UNC13C: variants seen among roughly 807,000 people sequenced by gnomAD.
The protein encoded by UNC13C is protein unc-13 homolog C.
UNC13C carries 174 observed loss-of-function variants against 245.4 expected under a neutral mutation model. The ratio of observed to expected loss-of-function variants is 0.71; its 90% CI spans 0.63 to 0.80. The LOEUF (loss-of-function observed/expected upper bound fraction) is 0.80, where lower values mean the gene tolerates loss of function less well. Among genes scored for constraint, UNC13C ranks in the 30% least tolerant of loss-of-function variants. The probability of loss-of-function intolerance (pLI) is 0.00; values close to 1 mark genes in which losing one functional copy is unlikely to be tolerated. For synonymous variants in UNC13C, 992 were observed against 895.1 expected (o/e 1.11, Z -1.93); for missense variants, 2,829 against 2,602.9 (o/e 1.09, Z -1.89).
intron 23 of UNC13C, among the ~76,000 whole-genome samples, chr15:54,510,066 A>G (rs543487603): frequency 6.6e-6 from 1 of 152,268 alleles, no homozygotes; most frequent in Non-Finnish European, 1.5e-5. Context: ...TTATAAAGCT[A>G]GTACTAGGGT....
At chr15:54,188,734 A>C (rs1043000953) in intron 4 of UNC13C, among the ~76,000 whole-genome samples, 1 of 152,146 alleles carries the variant, frequency 6.6e-6, no homozygotes, top group Non-Finnish European at 1.5e-5. Flanking sequence ...GATCTCACTG[A>C]TCCTCACAGC....
At chr15:54,231,434 C>G (rs1034626476) in intron 4 of UNC13C, among the ~76,000 whole-genome samples, 3 of 151,912 alleles carry the variant, frequency 2.0e-5, no homozygotes, top group East Asian at 1.9e-4. Flanking sequence ...AAACTGTGGG[C>G]TCAAACCTTG....
intron 2 of UNC13C, among the ~76,000 whole-genome samples, chr15:54,047,922 T>C (rs545185176): frequency 2.6e-5 from 4 of 152,298 alleles, no homozygotes; most frequent in East Asian, 3.9e-4. Flanking sequence ...AACTGAAATA[T>C]AATTAACACT....
intron 4 of UNC13C, among the ~76,000 whole-genome samples, chr15:54,165,883 G>C: frequency 6.6e-6 from 1 of 151,098 alleles, no homozygotes; most frequent in Admixed American, 6.6e-5. Flanking sequence ...TTGCCAATCT[G>C]AAAGGTCAAA....
At chr15:53,922,719 A>G in the UNC13C span, among the ~76,000 whole-genome samples, 1 of 152,210 alleles carries the variant, frequency 6.6e-6, no homozygotes, top group East Asian at 1.9e-4. Context: ...ACATCAACAG[A>G]GCATGCAATA....
intron 17 of UNC13C, among the ~76,000 whole-genome samples, chr15:54,360,033 C>G (rs758810253): frequency 2.0e-5 from 3 of 151,888 alleles, no homozygotes; most frequent in Non-Finnish European, 4.4e-5. Flanking sequence ...TCACTTGTCT[C>G]AATGAATTAT....
chr15:54,104,952 AT>A (rs1900360155), intron 2 of UNC13C, among the ~76,000 whole-genome samples: 1 of 151,974 alleles, frequency 6.6e-6, no homozygotes. Flanking sequence ...ATTGGTGTAT[AT>A]GTGTTTGTTT....
chr15:54,503,377 CATAAAT>C lies in UNC13C; in HGVS notation c.5301+2405_5301+2410del, dbSNP rs371043850. Among the ~76,000 whole-genome samples, 930 of 151,570 alleles carry C rather than the reference CATAAAT, an allele frequency of 6.1e-3. 14 individuals are homozygous for C. Among genetic ancestry groups the C allele is most frequent in the African/African-American group, 0.021 (869 of 41,386 alleles). On this transcript the variant is annotated intron_variant, in intron 22 of 32. Coordinates refer to ENST00000260323, the MANE Select transcript of UNC13C (RefSeq NM_001080534.3). ...TAAATAAAAAGCAAAATCAATTAAACATAAATATAAAAATAAGAAACATCAGTCAAA... is the reference window on the plus strand; with the variant it reads ...TAAATAAAAAGCAAAATCAATTAAACATAAAAATAAGAAACATCAGTCAAA...
chr15:53,869,586 C>T, the UNC13C span, among the ~76,000 whole-genome samples: 1 of 152,102 alleles, frequency 6.6e-6, no homozygotes, highest in East Asian at 1.9e-4. Context: ...TTAATTCTTA[C>T]ATGCGGGGGC....
chr15:54,364,743 C>T (rs2039323609), intron 17 of UNC13C, among the ~76,000 whole-genome samples: 2 of 152,128 alleles, frequency 1.3e-5, no homozygotes, highest in Non-Finnish European at 2.9e-5. Context: ...CATTAAATGA[C>T]TTAATGAACC....
intron 20 of UNC13C, among the ~76,000 whole-genome samples, chr15:54,498,557 T>C (rs1289604900): frequency 2.0e-5 from 3 of 152,176 alleles, no homozygotes; most frequent in Non-Finnish European, 2.9e-5. Flanking sequence ...AAAATGTTTT[T>C]GAAGTAGAAT....
intron 4 of UNC13C, among the ~76,000 whole-genome samples, chr15:54,204,306 G>A (rs375661866): frequency 1.3e-3 from 160 of 124,788 alleles, no homozygotes; most frequent in Middle Eastern, 5.2e-3. Context: ...ATTAAAAATT[G>A]AAAAAAAAAA....
chr15:54,612,840 A>G (rs1461077525), intron 30 of UNC13C, among the ~76,000 whole-genome samples: 1 of 151,982 alleles, frequency 6.6e-6, no homozygotes, highest in Admixed American at 6.6e-5. Context: ...TATTAGGGTA[A>G]TAGTTGAAAC....
At chr15:54,282,481 G>A (rs773642243) in intron 10 of UNC13C, among the ~76,000 whole-genome samples, 3 of 152,152 alleles carry the variant, frequency 2.0e-5, no homozygotes, top group Non-Finnish European at 4.4e-5. Flanking sequence ...CCTGTGGCCA[G>A]ACCAGGTGTG....
rs578176755 is a variant in UNC13C at position 54,051,466 on chromosome 15, A to C, written c.2983+35580A>C. On this transcript the variant is annotated intron_variant, in intron 2 of 32. Coordinates refer to ENST00000260323, the MANE Select transcript of UNC13C (RefSeq NM_001080534.3). ...TCCTGGACTTCCTAATTTTTTCCCC[A>C]CTGCTTAGTCTCTCTATTCAATGTA... 8.6e-5 allele frequency among the ~76,000 whole-genome samples: 13 copies of C among 151,996 alleles called. No individual in the cohort carries two copies. In the East Asian group the frequency reaches 2.5e-3, roughly 30 times the overall value.
chr15:54,155,764 T>C lies in UNC13C; in HGVS notation c.3071+12080T>C, dbSNP rs183161875. On this transcript the variant is annotated intron_variant, in intron 4 of 32. Coordinates refer to ENST00000260323, the MANE Select transcript of UNC13C (RefSeq NM_001080534.3). ...AGAAGCTGCATTTCTGATTTGGAGT[T>C]CTCAGTGCAGACTTTATGGAGAAGG... Among the ~76,000 whole-genome samples, 334 of 152,290 alleles carry C rather than the reference T, an allele frequency of 2.2e-3. 1 individual carries two copies. The highest frequency in any genetic ancestry group is 7.7e-3 in the African/African-American group (322 of 41,556).
At chr15:54,563,054 C>A (rs938285482) in intron 29 of UNC13C, among the ~76,000 whole-genome samples, 1 of 151,894 alleles carries the variant, frequency 6.6e-6, no homozygotes, top group Non-Finnish European at 1.5e-5. Context: ...GTTGTTAAGC[C>A]ACATCACCCC....
chr15:53,977,610 A>C (rs890737440), upstream of UNC13C, among the ~76,000 whole-genome samples: 1 of 152,116 alleles, frequency 6.6e-6, no homozygotes, highest in African/African-American at 2.4e-5. Context: ...AAAACCTCCA[A>C]ATTATTTCAG....
intron 24 of UNC13C, among the ~76,000 whole-genome samples, chr15:54,523,492 A>G (rs2141135393): frequency 6.6e-6 from 1 of 152,340 alleles, no homozygotes; most frequent in Non-Finnish European, 1.5e-5. Context: ...CAATGTTCAA[A>G]TCGCTGTAGT....
Sources: allele counts gnomAD v4.1 joint callset (sites outside exome capture counted in the v4.1 genomes callset), GRCh38; gene constraint gnomAD v4.1.1; transcripts MANE v1.5; gene names NCBI Gene and HGNC (gene_info 2026-07-23, HGNC 2026-07-21).